The following ARID5B variants were observed in gnomAD, a reference collection of about 807,000 sequenced individuals.
ARID5B encodes the protein AT-rich interactive domain-containing protein 5B.
In ARID5B, 13 loss-of-function variants were observed where a neutral mutation model predicts 97.2. The observed-to-expected ratio is 0.13, with a 90% confidence interval of 0.09 to 0.21. The LOEUF (loss-of-function observed/expected upper bound fraction) is 0.21. ARID5B is among the 10% of genes least tolerant of loss of function. The pLI is 1.00. For synonymous variants in ARID5B, 556 were observed against 570.3 expected (o/e 0.97, Z 0.36); for missense variants, 1,210 against 1,465.3 (o/e 0.83, Z 2.84).
Position 62,095,699 on chromosome 10 carries a change from A to G in ARID5B, c.*2669A>G. 8.6e-6 allele frequency: 2 copies of G among 232,832 alleles called. No homozygotes were observed. The highest frequency in any genetic ancestry group is 4.4e-5 in the African/African-American group (2 of 45,410). 14.4% of individuals were successfully genotyped at this position (232,832 alleles called of 1,614,324 possible). A position where few individuals can be genotyped will look rare whatever the true frequency, so the allele number is the denominator to read the frequency against. On this transcript the variant is annotated 3_prime_UTR_variant, in exon 10 of 10. Transcript: ENST00000279873. Reference sequence around the variant, plus strand: ...GAGATCTTGGAAATCTTTCAAAAAGACCATTGAATTCTTCATTGGCTGAGA... The same window carrying G: ...GAGATCTTGGAAATCTTTCAAAAAGGCCATTGAATTCTTCATTGGCTGAGA...
chr10:61,903,758 T>C (rs1470643650), intron 2 of ARID5B, among the ~76,000 whole-genome samples: 1 of 152,296 alleles, frequency 6.6e-6, no homozygotes, highest in African/African-American at 2.4e-5. Context: ...TTGGCATTGC[T>C]AGTTCACTCC....
intron 8 of ARID5B, among the ~76,000 whole-genome samples, chr10:62,080,368 G>T (rs191674234): frequency 2.0e-5 from 3 of 152,278 alleles, no homozygotes; most frequent in Non-Finnish European, 2.9e-5. Context: ...TGCCCGCTGA[G>T]GAAACATTCT....
chr10:61,996,674 TA>T (rs1257962464), intron 3 of ARID5B, among the ~76,000 whole-genome samples: 26 of 152,142 alleles, frequency 1.7e-4, no homozygotes, highest in Admixed American at 1.7e-3. Context: ...TTATTATCAG[TA>T]CTGGAAATAG....
intron 3 of ARID5B, among the ~76,000 whole-genome samples, chr10:61,978,581 T>C (rs1257578113): frequency 6.6e-6 from 1 of 152,250 alleles, no homozygotes; most frequent in African/African-American, 2.4e-5. Flanking sequence ...TTCACATCCC[T>C]TGTAAGTTGT....
chr10:61,982,818 A>C (rs1166651788), intron 3 of ARID5B, among the ~76,000 whole-genome samples: 1 of 152,252 alleles, frequency 6.6e-6, no homozygotes, highest in Non-Finnish European at 1.5e-5. Flanking sequence ...TGTACATAAG[A>C]AGATGAGATT....
intron 4 of ARID5B, among the ~76,000 whole-genome samples, chr10:62,043,516 T>C (rs1197732418): frequency 6.6e-6 from 1 of 152,256 alleles, no homozygotes; most frequent in Middle Eastern, 3.2e-3. Flanking sequence ...CTATCACTGC[T>C]GGTAAAGCTG....
intron 3 of ARID5B, among the ~76,000 whole-genome samples, chr10:61,966,526 AT>A (rs1015427073): frequency 3.3e-5 from 5 of 150,532 alleles, no homozygotes; most frequent in Admixed American, 6.6e-5. Flanking sequence ...ACAACTGTAG[AT>A]TTTTTTTTTC....
At chr10:61,915,459 G>A (rs1419265236) in intron 2 of ARID5B, among the ~76,000 whole-genome samples, 1 of 152,196 alleles carries the variant, frequency 6.6e-6, no homozygotes, top group Non-Finnish European at 1.5e-5. Flanking sequence ...GAGGTCTAAA[G>A]GGATCTGGGG....
At chr10:61,969,788 G>C (rs1191169597) in intron 3 of ARID5B, among the ~76,000 whole-genome samples, 1 of 152,050 alleles carries the variant, frequency 6.6e-6, no homozygotes. Context: ...CAGTCTACTA[G>C]GTGCTTTAAT....
At chr10:61,929,826 C>T (rs761240170) in intron 2 of ARID5B, among the ~76,000 whole-genome samples, 3 of 152,210 alleles carry the variant, frequency 2.0e-5, no homozygotes, top group Non-Finnish European at 4.4e-5. Context: ...CCTTTATTCT[C>T]CACCCAGCAA....
intron 3 of ARID5B, among the ~76,000 whole-genome samples, chr10:61,985,307 A>G (rs1838832151): frequency 6.6e-6 from 1 of 151,788 alleles, no homozygotes; most frequent in Non-Finnish European, 1.5e-5. Flanking sequence ...ATCTGTTCAC[A>G]TGCCCACCAC....
intron 2 of ARID5B, among the ~76,000 whole-genome samples, chr10:61,914,845 G>A (rs935692674): frequency 1.3e-5 from 2 of 152,200 alleles, no homozygotes; most frequent in South Asian, 2.1e-4. Flanking sequence ...GCCAACAGAG[G>A]TTAAAGGAAC....
At chr10:61,971,168 C>T (rs906852604) in intron 3 of ARID5B, among the ~76,000 whole-genome samples, 1 of 152,146 alleles carries the variant, frequency 6.6e-6, no homozygotes, top group African/African-American at 2.4e-5. Context: ...CTCTGAACCT[C>T]ATTTGTAGGA....
chr10:62,037,760 G>T (rs1839584632), intron 4 of ARID5B, among the ~76,000 whole-genome samples: 1 of 152,174 alleles, frequency 6.6e-6, no homozygotes, highest in Admixed American at 6.5e-5. Flanking sequence ...ATAGTACAAA[G>T]AAGAACAAGA....
At chr10:62,036,061 G>A (rs1839559860) in intron 4 of ARID5B, among the ~76,000 whole-genome samples, 1 of 152,086 alleles carries the variant, frequency 6.6e-6, no homozygotes, top group East Asian at 1.9e-4. Context: ...CTGACCTGAG[G>A]TGATCCACCC....
chr10:61,953,509 A>G (rs1240714512), intron 3 of ARID5B, among the ~76,000 whole-genome samples: 1 of 151,918 alleles, frequency 6.6e-6, no homozygotes, highest in Non-Finnish European at 1.5e-5. Flanking sequence ...AATGTTTTCC[A>G]TCAAAGATTT....
intron 3 of ARID5B, among the ~76,000 whole-genome samples, chr10:61,986,321 A>G (rs1360505306): frequency 6.6e-6 from 1 of 152,236 alleles, no homozygotes; most frequent in Non-Finnish European, 1.5e-5. Context: ...ATCTAAGCAC[A>G]TGAAAGGGCT....
chr10:62,087,448 G>A (rs1840305943), intron 9 of ARID5B, among the ~76,000 whole-genome samples: 1 of 150,984 alleles, frequency 6.6e-6, no homozygotes, highest in Admixed American at 6.6e-5. Context: ...TTTGGTAGAA[G>A]CCATTACCCC....
chr10:62,068,534 T>G (rs1840022447), intron 7 of ARID5B, among the ~76,000 whole-genome samples: 1 of 149,216 alleles, frequency 6.7e-6, no homozygotes, highest in Non-Finnish European at 1.5e-5. Context: ...GTTTTTTAAT[T>G]TTTTTTTTTT....
Sources: allele counts gnomAD v4.1 joint callset (sites outside exome capture counted in the v4.1 genomes callset), GRCh38; gene constraint gnomAD v4.1.1; transcripts MANE v1.5; gene names NCBI Gene and HGNC (gene_info 2026-07-23, HGNC 2026-07-21).